The following ALDH7A1 variants were observed in gnomAD, a reference collection of about 807,000 sequenced individuals.
The protein encoded by ALDH7A1 is alpha-aminoadipic semialdehyde dehydrogenase.
A neutral mutation model predicts 79.9 loss-of-function variants in ALDH7A1; 63 were observed. That is an observed-to-expected ratio of 0.79 (90% CI 0.64 to 0.97). The LOEUF (loss-of-function observed/expected upper bound fraction) is 0.97, where lower values mean the gene tolerates loss of function less well. Among genes scored for constraint, ALDH7A1 ranks in the 50% least tolerant of loss-of-function variants. The pLI is 0.00. For missense variants in ALDH7A1, 627 were observed against 665.2 expected (o/e 0.94, Z 0.63); for synonymous variants, 240 against 231.2 (o/e 1.04, Z -0.34).
chr5:126,593,980 G>A (rs137984805), intron 1 of ALDH7A1: 61 of 280,720 alleles, frequency 2.2e-4, no homozygotes, highest in African/African-American at 1.1e-3. Context: ...ACCAAAAGAC[G>A]TGTTCCCTCT....
At chr5:126,591,994 T>C (rs1340991145) in intron 3 of ALDH7A1, 1 of 150,770 alleles carries the variant, frequency 6.6e-6, no homozygotes, top group Non-Finnish European at 1.5e-5. Flanking sequence ...AGTGCAGTGA[T>C]GCTATCTTGG....
Position 126,568,311 on chromosome 5 carries a change from A to C in ALDH7A1, c.819T>G (p.Thr273=). The C allele has an allele frequency of 6.2e-7, 1 of 1,614,148 alleles. No homozygotes were observed. Reference sequence around the variant, plus strand: ...CCTGTTTTCCCACCTGAGTGCTCCCAGTGAAGGACAGCAGGTTCACTCGTT... The same window carrying C: ...CCTGTTTTCCCACCTGAGTGCTCCCCGTGAAGGACAGCAGGTTCACTCGTT... ...KDERVNLLSF[T]GSTQVGKQVG... Residue 273 remains threonine (T), a synonymous_variant, in exon 9 of 18, where the codon ACT becomes ACG. Transcript: ENST00000409134.
At chr5:126,593,673 A>G in intron 1 of ALDH7A1, 1 of 577,360 alleles carries the variant, frequency 1.7e-6, no homozygotes, top group Non-Finnish European at 3.1e-6. Flanking sequence ...ATAAGCAGTT[A>G]TTTTGTCTCT....
rs533744768 is a variant in ALDH7A1, at chr5:126,565,090, G to A, written c.871+3169C>T. On this transcript the variant is annotated intron_variant, in intron 9 of 17. Coordinates refer to ENST00000409134, the MANE Select transcript of ALDH7A1 (RefSeq NM_001182.5). ...TTGAGAATCTTTTCATGTGCTAATC[G>A]GCCATTTAAGATGTCTATTCTAGGC... is the stretch of plus-strand genomic sequence containing the variant. Among the ~76,000 whole-genome samples the A allele has an allele frequency of 8.5e-5, 13 of 152,120 alleles. No individual in the cohort carries two copies. In the South Asian group the frequency reaches 1.2e-3, roughly 15 times the overall value.
At chr5:126,576,631 C>T (rs1444414452) in intron 6 of ALDH7A1, among the ~76,000 whole-genome samples, 6 of 152,160 alleles carry the variant, frequency 3.9e-5, no homozygotes, top group Non-Finnish European at 8.8e-5. Flanking sequence ...GAGTTCACTA[C>T]CAAAGTTTTA....
At chr5:126,555,152 C>G (rs1264906149) in intron 12 of ALDH7A1, 1 of 153,462 alleles carries the variant, frequency 6.5e-6, no homozygotes, top group East Asian at 1.9e-4. Context: ...GATCGGGAGC[C>G]TGCAAAAAAG....
chr5:126,546,564 C>A (rs1259681166), intron 16 of ALDH7A1, among the ~76,000 whole-genome samples, 165 bp from the exon 17 acceptor site: 1 of 150,198 alleles, frequency 6.7e-6, no homozygotes, highest in African/African-American at 2.5e-5. Context: ...AGACAGAGAC[C>A]AAGAGACCAA....
Position 126,559,305 on chromosome 5 carries a change from C to T in ALDH7A1, c.943G>A (p.Val315Ile). ...ACAGCAGCGAAGAGAGCTGATGGAACAACTAAGCTGAGGTCTGCATCTTCA... is the reference window on the plus strand; with the variant it reads ...ACAGCAGCGAAGAGAGCTGATGGAATAACTAAGCTGAGGTCTGCATCTTCA... ...AFEDADLSLV[V>I]PSALFAAVGT... The change falls in exon 11 of 18, where the codon GTT (valine) becomes ATT (isoleucine). Residue 315 changes from valine to isoleucine, a missense_variant. Transcript: ENST00000409134. The T allele has an allele frequency of 1.2e-6, 2 of 1,613,740 alleles. No individual in the cohort carries two copies. Among genetic ancestry groups the T allele is most frequent in the Non-Finnish European group, 1.7e-6 (2 of 1,179,800 alleles).
intron 5 of ALDH7A1, 84 bp from the exon 6 acceptor site, chr5:126,577,295 T>G: frequency 6.5e-7 from 1 of 1,541,936 alleles, no homozygotes; most frequent in African/African-American, 1.4e-5. Flanking sequence ...TACAGCAGAC[T>G]GGAGAAGATT....
intron 17 of ALDH7A1, 100 bp downstream of exon 17, chr5:126,546,224 A>C: frequency 9.1e-7 from 1 of 1,098,954 alleles, no homozygotes; most frequent in Non-Finnish European, 1.4e-6. Context: ...AAATCAAATC[A>C]AATGACACTG....
intron 3 of ALDH7A1, among the ~76,000 whole-genome samples, chr5:126,585,332 T>A (rs913294940): frequency 2.6e-4 from 39 of 151,912 alleles, no homozygotes; most frequent in African/African-American, 8.9e-4. Flanking sequence ...AAAAGGAACA[T>A]TCCCCTCCAT....
Position 126,550,020 on chromosome 5 carries a change from C to CA in ALDH7A1, c.1416-19dup. ...CTTTAGGTCTGTGTAAAAAGGGAGG[C>CA]ATGGTGAGAGCAATGAACAGGAAAT... On this transcript the variant is annotated intron_variant, in intron 15 of 17. Transcript: ENST00000409134. 2 of 1,610,618 alleles carry CA rather than the reference C, an allele frequency of 1.2e-6. No homozygotes were observed. The highest frequency in any genetic ancestry group is 2.2e-5 in the South Asian group (2 of 90,972).
intron 5 of ALDH7A1, among the ~76,000 whole-genome samples, chr5:126,578,829 C>A (rs1751073490): frequency 6.6e-6 from 1 of 152,158 alleles, no homozygotes; most frequent in African/African-American, 2.4e-5. Flanking sequence ...AAACCACAGA[C>A]CAACTGGAAA....
At position 126,570,782 on chromosome 5, in the gene ALDH7A1, C is replaced by G; in HGVS notation, c.773G>C (p.Gly258Ala). 1 of 1,613,884 alleles carries G rather than the reference C, an allele frequency of 6.2e-7. No homozygotes were observed. Among genetic ancestry groups the G allele is most frequent in the African/African-American group, 1.3e-5 (1 of 75,012 alleles). ...CSLTCGGADI[G>A]TAMAKDERVN... ...GGATGCTCTCAGCCTAGTAACCTAC[C>G]CAATATCTGCTCCACCACAAGTCAA... The change falls in exon 8 of 18, where the codon GGC (glycine) becomes GCC (alanine). Residue 258 changes from glycine (G) to alanine (A), a missense_variant and splice_region_variant. By Grantham distance (60) the Gly-to-Ala change is moderately conservative. Coordinates refer to ENST00000409134, the MANE Select transcript of ALDH7A1 (RefSeq NM_001182.5).
At chr5:126,594,252 C>A (rs1751661606) in intron 1 of ALDH7A1, 1 of 470,850 alleles carries the variant, frequency 2.1e-6, no homozygotes, top group Admixed American at 2.4e-5. Flanking sequence ...GATTTCGGCA[C>A]GTCCAAGCTT....
At chr5:126,582,068 A>G (rs530598436) in intron 5 of ALDH7A1, 1 of 398,658 alleles carries the variant, frequency 2.5e-6, no homozygotes, top group East Asian at 3.6e-5. Context: ...TCATGCCTAT[A>G]ATCCCAGCTA....
intron 12 of ALDH7A1, chr5:126,554,796 T>C: frequency 3.2e-6 from 1 of 314,490 alleles, no homozygotes; most frequent in Non-Finnish European, 6.2e-6. Flanking sequence ...GACCATTCTC[T>C]AAGGAAACAT....
chr5:126,565,027 A>G (rs1483129768), intron 9 of ALDH7A1, among the ~76,000 whole-genome samples: 2 of 152,216 alleles, frequency 1.3e-5, no homozygotes, highest in African/African-American at 4.8e-5. Context: ...AAGGGGAGAA[A>G]GGTGAGAAGA....
In ALDH7A1 at chr5:126,570,922, A is replaced by G; in HGVS notation, c.696-63T>C. On this transcript the variant is annotated intron_variant, in intron 7 of 17. Transcript: ENST00000409134. ...AGGCATTTTTTTAAAAACAAGGAAT[A>G]AATTCCAACCACTTGACTCTCCTTT... The G allele has an allele frequency of 2.0e-6, 3 of 1,498,986 alleles. No homozygotes were observed. The African/African-American group carries it at 4.1e-5, about 21-fold the overall frequency. The allele number at this position is 1,498,986 out of a possible 1,614,324, so 92.9% of individuals were successfully genotyped here.
Sources: allele counts gnomAD v4.1 joint callset (sites outside exome capture counted in the v4.1 genomes callset), GRCh38; gene constraint gnomAD v4.1.1; transcripts MANE v1.5; gene names NCBI Gene and HGNC (gene_info 2026-07-23, HGNC 2026-07-21).